Variants in TNPO1 observed in about 807,000 individuals in gnomAD.
TNPO1 encodes transportin-1.
In TNPO1, 8 loss-of-function variants were observed where a neutral mutation model predicts 119.5. The observed-to-expected ratio is 0.07, with a 90% CI of 0.04 to 0.12. The LOEUF is 0.12. Ranked by LOEUF, TNPO1 falls within the 10% of genes least tolerant of loss-of-function variation. The probability of loss-of-function intolerance (pLI) is 1.00; values close to 1 mark genes in which losing one functional copy is unlikely to be tolerated. For synonymous variants in TNPO1, 362 were observed against 363.0 expected (o/e 1.00, Z 0.03); for missense variants, 576 against 1,089.8 (o/e 0.53, Z 6.64).
At chr5:72,865,163 C>G (rs543562955) in intron 5 of TNPO1, among the ~76,000 whole-genome samples, 24 of 152,016 alleles carry the variant, frequency 1.6e-4, no homozygotes, top group Non-Finnish European at 2.9e-4. Context: ...AATATTAGAG[C>G]GGGCATGGTG....
In TNPO1 at chr5:72,910,272, TTA is replaced by T. The variant is rs1253331118; in HGVS notation, c.*1601_*1602del. On this transcript the variant is annotated 3_prime_UTR_variant, in exon 25 of 25. Transcript: ENST00000337273. ...TCATTTCATTTGTTTAGCTTTTCTG[TTA>T]TTTTTCTCTACTTACATGTATTCCT... The T allele has an allele frequency of 6.6e-6, 1 of 152,642 alleles. No individual in the cohort carries two copies. Among genetic ancestry groups the T allele is most frequent in the African/African-American group, 2.4e-5 (1 of 41,460 alleles). The allele number at this position is 152,642 out of a possible 1,614,324, so 9.5% of individuals were successfully genotyped here.
rs1192126567 is a variant in TNPO1 at position 72,900,917 on chromosome 5, A to G, written c.2415-57A>G. The G allele has an allele frequency of 5.2e-6, 6 of 1,159,716 alleles. No homozygotes were observed. In the African/African-American group the frequency reaches 6.1e-5, roughly 12 times the overall value. The allele number at this position is 1,159,716 out of a possible 1,614,324, so 71.8% of individuals were successfully genotyped here. On this transcript the variant is annotated intron_variant, in intron 21 of 24. Coordinates refer to ENST00000337273, the MANE Select transcript of TNPO1 (RefSeq NM_002270.4). ...ATTCCATTAAATACTGTCCATTAGT[A>G]TTGTCATTGAATCTGCTTGTTACTT...
intron 20 of TNPO1, among the ~76,000 whole-genome samples, chr5:72,898,045 A>T (rs1352337785): frequency 6.6e-6 from 1 of 152,142 alleles, no homozygotes; most frequent in Non-Finnish European, 1.5e-5. Context: ...TGAAGCAGTT[A>T]TCTGGCTGTT....
At chr5:72,871,817 T>C (rs192872152) in intron 6 of TNPO1, 1 of 152,222 alleles carries the variant, frequency 6.6e-6, no homozygotes, top group East Asian at 1.9e-4. Flanking sequence ...GGAGCCACAG[T>C]ATAAAGGAAT....
Position 72,865,576 on chromosome 5 carries a change from T to A in TNPO1, c.463-20T>A. Reference sequence around the variant, plus strand: ...CTTCATTTTTAACAAATTCTGATAATTTAAATGTGTCTCTTACAGGGAGCA... The same window carrying A: ...CTTCATTTTTAACAAATTCTGATAAATTAAATGTGTCTCTTACAGGGAGCA... On this transcript the variant is annotated intron_variant, in intron 5 of 24. Coordinates refer to ENST00000337273, the MANE Select transcript of TNPO1 (RefSeq NM_002270.4). 7 of 1,606,870 alleles carry A rather than the reference T, an allele frequency of 4.4e-6. No homozygotes were observed. Among genetic ancestry groups the A allele is most frequent in the Non-Finnish European group, 5.9e-6 (7 of 1,178,646 alleles).
At chr5:72,870,891 G>A (rs1349587370) in intron 6 of TNPO1, among the ~76,000 whole-genome samples, 1 of 152,104 alleles carries the variant, frequency 6.6e-6, no homozygotes, top group African/African-American at 2.4e-5. Flanking sequence ...ACTATGCCAA[G>A]TACTTAACAT....
chr5:72,893,297 A>G (rs751419522), intron 16 of TNPO1, 51 bp downstream of exon 16: 1 of 1,604,298 alleles, frequency 6.2e-7, no homozygotes, highest in Non-Finnish European at 8.5e-7. Flanking sequence ...ACATTTTTCT[A>G]AAGATAGGTA....
intron 3 of TNPO1, among the ~76,000 whole-genome samples, chr5:72,853,632 A>G (rs1223418746): frequency 1.3e-5 from 2 of 148,356 alleles, no homozygotes; most frequent in Admixed American, 6.9e-5. Flanking sequence ...TTGGTGTAAC[A>G]CTTGATATTT....
intron 10 of TNPO1, among the ~76,000 whole-genome samples, 169 bp downstream of exon 10, chr5:72,882,696 A>G (rs1172229300): frequency 6.6e-6 from 1 of 152,190 alleles, no homozygotes; most frequent in Non-Finnish European, 1.5e-5. Context: ...ATTCTTGCTT[A>G]ATTTGGTACT....
At chr5:72,841,630 C>T (rs1444445586) in intron 1 of TNPO1, among the ~76,000 whole-genome samples, 2 of 152,148 alleles carry the variant, frequency 1.3e-5, no homozygotes, top group African/African-American at 4.8e-5. Flanking sequence ...TGAGCCACCG[C>T]GCCCAGCCTA....
chr5:72,850,348 TACACCTTGCA>T (rs1745450068), intron 2 of TNPO1, among the ~76,000 whole-genome samples: 1 of 152,242 alleles, frequency 6.6e-6, no homozygotes, highest in Admixed American at 6.5e-5. Context: ...AGAAAGTAGT[TACACCTTGCA>T]GTTTTACTAG....
intron 7 of TNPO1, among the ~76,000 whole-genome samples, chr5:72,873,759 A>G (rs1747572988): frequency 6.6e-6 from 1 of 152,108 alleles, no homozygotes; most frequent in Non-Finnish European, 1.5e-5. Context: ...TAGATGCTTT[A>G]TTTAACTGAT....
intron 1 of TNPO1, among the ~76,000 whole-genome samples, chr5:72,835,496 G>T (rs1580371646): frequency 6.6e-6 from 1 of 152,208 alleles, no homozygotes; most frequent in African/African-American, 2.4e-5. Flanking sequence ...TGGACGAAGG[G>T]ATGTGCCCTC....
intron 22 of TNPO1, among the ~76,000 whole-genome samples, chr5:72,902,037 G>T (rs1182820932): frequency 6.6e-6 from 1 of 151,718 alleles, no homozygotes; most frequent in Admixed American, 6.6e-5. Flanking sequence ...ATCGCGCTAT[G>T]GCACTCCAGT....
intron 11 of TNPO1, among the ~76,000 whole-genome samples, chr5:72,885,864 CAGGATACCTG>C (rs1748587803): frequency 6.6e-6 from 1 of 150,978 alleles, no homozygotes; most frequent in African/African-American, 2.4e-5. Flanking sequence ...ACTACTATAA[CAGGATACCTG>C]AAGTTCAGAA....
intron 9 of TNPO1, 64 bp downstream of exon 9, chr5:72,877,410 A>T: frequency 1.3e-6 from 1 of 794,586 alleles, no homozygotes; most frequent in Non-Finnish European, 2.0e-6. Context: ...CTTCATTTTC[A>T]TATTTTTATA....
chr5:72,870,765 T>TTTC (rs1221009866), intron 6 of TNPO1, among the ~76,000 whole-genome samples: 1 of 152,154 alleles, frequency 6.6e-6, no homozygotes, highest in Non-Finnish European at 1.5e-5. Context: ...ATAGGAGAGA[T>TTTC]TTCTGCCTTT....
Position 72,893,159 on chromosome 5 carries a change from A to G in TNPO1, c.1809A>G (p.Thr603=). Residue 603 remains threonine (T), a synonymous_variant, in exon 16 of 25, where the codon ACA becomes ACG. Coordinates refer to ENST00000337273, the MANE Select transcript of TNPO1 (RefSeq NM_002270.4). ...PLLECLSSVA[T]ALQSGFLPYC... ...CCTAGTGCCTATCTTCAGTTGCCACAGCACTGCAGTCTGGATTCCTTCCGT... is the reference window on the plus strand; with the variant it reads ...CCTAGTGCCTATCTTCAGTTGCCACGGCACTGCAGTCTGGATTCCTTCCGT... The G allele has an allele frequency of 6.2e-7, 1 of 1,614,004 alleles. No homozygotes were observed. The highest frequency in any genetic ancestry group is 1.3e-5 in the African/African-American group (1 of 75,046).
intron 3 of TNPO1, among the ~76,000 whole-genome samples, chr5:72,851,576 T>C (rs988370129): frequency 6.6e-6 from 1 of 152,200 alleles, no homozygotes; most frequent in Non-Finnish European, 1.5e-5. Context: ...CACTACAATA[T>C]CTGCCTCCCG....
Sources: gnomAD v4.1 joint callset for allele counts (sites outside exome capture counted in the v4.1 genomes callset) on GRCh38, gnomAD v4.1.1 for gene constraint, MANE v1.5 for transcripts, NCBI Gene and HGNC (gene_info 2026-07-23, HGNC 2026-07-21) for gene names.